Variants in EIPR1 observed in about 807,000 individuals in gnomAD.
EIPR1 encodes EARP and GARP complex-interacting protein 1.
Under a neutral mutation model 48.1 loss-of-function variants are expected in EIPR1, and 25 were observed. The observed-to-expected ratio is 0.52, with a 90% confidence interval of 0.38 to 0.73. EIPR1 has a LOEUF of 0.73. Ranked by LOEUF, EIPR1 falls within the 30% of genes least tolerant of loss-of-function variation. EIPR1 has a pLI of 0.00. For synonymous variants in EIPR1, 204 were observed against 201.9 expected, an observed-to-expected ratio of 1.01 and a Z score of -0.09; for missense variants, 415 against 506.2, an observed-to-expected ratio of 0.82 and a Z score of 1.73.
chr2:3,313,661 C>T (rs1010117344), intron 3 of EIPR1, among the ~76,000 whole-genome samples: 2 of 152,190 alleles, frequency 1.3e-5, no homozygotes, highest in African/African-American at 4.8e-5. Flanking sequence ...TCAGCTCTCC[C>T]CACTGTCAGG....
chr2:3,274,427 A>G, intron 3 of EIPR1: 1 of 1,550,568 alleles, frequency 6.4e-7, no homozygotes, highest in East Asian at 2.4e-5. Flanking sequence ...ATGCTAGAAA[A>G]AAAGTCAGGG....
intron 3 of EIPR1, chr2:3,274,464 C>CTAT (rs1667789381): frequency 3.3e-6 from 5 of 1,535,944 alleles, no homozygotes; most frequent in Non-Finnish European, 4.4e-6. Flanking sequence ...GCTAAATACT[C>CTAT]AAAAATAAAG....
At chr2:3,319,688 G>C (rs1330714846) in intron 3 of EIPR1, 1 of 182,330 alleles carries the variant, frequency 5.5e-6, no homozygotes. Context: ...TGCACCTGCG[G>C]GCAACACCAC....
chr2:3,295,565 CCA>C (rs201282142), intron 3 of EIPR1, among the ~76,000 whole-genome samples: 1 of 75,050 alleles, frequency 1.3e-5, no homozygotes. Context: ...CATCCTCTCT[CCA>C]CACACACACC....
intron 1 of EIPR1, among the ~76,000 whole-genome samples, chr2:3,362,315 T>C (rs1001981810): frequency 2.0e-5 from 3 of 151,656 alleles, no homozygotes; most frequent in African/African-American, 7.3e-5. Flanking sequence ...TTCATACACA[T>C]GGGGGTGAGC....
At chr2:3,342,259 T>C (rs897505930) in intron 2 of EIPR1, among the ~76,000 whole-genome samples, 2 of 152,252 alleles carry the variant, frequency 1.3e-5, no homozygotes, top group African/African-American at 4.8e-5. Flanking sequence ...GGCTATAAAA[T>C]GGCATGTGAT....
intron 5 of EIPR1, among the ~76,000 whole-genome samples, chr2:3,211,029 T>A (rs1230755432): frequency 6.6e-6 from 1 of 152,346 alleles, no homozygotes; most frequent in East Asian, 1.9e-4. Context: ...CTGTGCTTAT[T>A]ACCTGGCTCA....
At chr2:3,321,099 G>A (rs1330974644) in intron 3 of EIPR1, among the ~76,000 whole-genome samples, 5 of 152,176 alleles carry the variant, frequency 3.3e-5, no homozygotes, top group African/African-American at 7.2e-5. Flanking sequence ...TGAGGGGAAC[G>A]ACACCACGCA....
chr2:3,331,187 A>G (rs1240037288), intron 3 of EIPR1, among the ~76,000 whole-genome samples: 2 of 124,840 alleles, frequency 1.6e-5, no homozygotes, highest in African/African-American at 6.7e-5. Context: ...GTGTACACTC[A>G]TATGGTGTGA....
intron 2 of EIPR1, among the ~76,000 whole-genome samples, chr2:3,354,345 G>T (rs1670667220): frequency 6.6e-6 from 1 of 152,186 alleles, no homozygotes; most frequent in Admixed American, 6.5e-5. Context: ...GCCAAACAGA[G>T]GAAGTTTAAA....
chr2:3,313,665 T>C (rs556738735), intron 3 of EIPR1, among the ~76,000 whole-genome samples: 20 of 152,306 alleles, frequency 1.3e-4, no homozygotes, highest in Middle Eastern at 3.4e-3. Context: ...CTCTCCCCAC[T>C]GTCAGGAGCA....
intron 2 of EIPR1, among the ~76,000 whole-genome samples, chr2:3,338,984 TAAAA>T (rs566601496): frequency 6.6e-6 from 1 of 151,612 alleles, no homozygotes; most frequent in Admixed American, 6.5e-5. Context: ...ATTATTGAAA[TAAAA>T]AAAATTAGAA....
chr2:3,371,033 G>A (rs367965593), intron 1 of EIPR1, among the ~76,000 whole-genome samples: 37 of 152,282 alleles, frequency 2.4e-4, no homozygotes, highest in Middle Eastern at 3.4e-3. Flanking sequence ...GACTAACAGC[G>A]GATCTCTCGG....
intron 2 of EIPR1, among the ~76,000 whole-genome samples, chr2:3,353,865 G>A (rs568296797): frequency 5.9e-5 from 9 of 152,108 alleles, no homozygotes; most frequent in African/African-American, 1.9e-4. Flanking sequence ...CAGATAAGCC[G>A]GACAGAAGCC....
intron 3 of EIPR1, among the ~76,000 whole-genome samples, chr2:3,285,087 C>T (rs370974733): frequency 4.3e-4 from 66 of 152,308 alleles, no homozygotes; most frequent in African/African-American, 1.5e-3. Context: ...AAAATGTCCT[C>T]GTGAAAGATG....
At chr2:3,194,476 T>G in intron 6 of EIPR1, 1 of 215,668 alleles carries the variant, frequency 4.6e-6, no homozygotes, top group Non-Finnish European at 9.4e-6. Context: ...AATGAAAGCA[T>G]GCCAGAGGGG....
intron 1 of EIPR1, among the ~76,000 whole-genome samples, chr2:3,370,572 C>T (rs1455333534): frequency 6.6e-6 from 1 of 151,926 alleles, no homozygotes; most frequent in African/African-American, 2.4e-5. Context: ...AGCCAAGGCT[C>T]GAGAACTATG....
chr2:3,290,009 T>TA (rs1451564247), intron 3 of EIPR1, among the ~76,000 whole-genome samples: 3 of 152,272 alleles, frequency 2.0e-5, no homozygotes, highest in Non-Finnish European at 4.4e-5. Flanking sequence ...AGCTCCTGGC[T>TA]AAGCCCTGGC....
At chr2:3,227,927 G>C (rs969756467) in intron 4 of EIPR1, among the ~76,000 whole-genome samples, 1 of 152,264 alleles carries the variant, frequency 6.6e-6, no homozygotes, top group African/African-American at 2.4e-5. Context: ...CCTCTGCCTA[G>C]ATTTCAGAGG....
Sources: allele counts gnomAD v4.1 joint callset (sites outside exome capture counted in the v4.1 genomes callset), GRCh38; gene constraint gnomAD v4.1.1; transcripts MANE v1.5; gene names NCBI Gene and HGNC (gene_info 2026-07-23, HGNC 2026-07-21).